MIA2: variants seen among roughly 807,000 people sequenced by gnomAD.
MIA2 encodes the protein MIA SH3 domain ER export factor 2.
In MIA2, 127 loss-of-function variants were observed where a neutral mutation model predicts 167.8. The ratio of observed to expected loss-of-function variants is 0.76; its 90% CI spans 0.66 to 0.88. The LOEUF (loss-of-function observed/expected upper bound fraction) is 0.88. Ranked by LOEUF, MIA2 falls within the 40% of genes least tolerant of loss-of-function variation. The probability of loss-of-function intolerance (pLI) is 0.00; values close to 1 mark genes in which losing one functional copy is unlikely to be tolerated. For synonymous variants in MIA2, 552 were observed against 541.9 expected, an observed-to-expected ratio of 1.02 and a Z score of -0.26; for missense variants, 1,690 against 1,624.7, an observed-to-expected ratio of 1.04 and a Z score of -0.69.
intron 24 of MIA2, among the ~76,000 whole-genome samples, chr14:39,322,473 G>A (rs866714764): frequency 7.3e-5 from 11 of 151,240 alleles, no homozygotes; most frequent in Non-Finnish European, 1.3e-4. Context: ...CCCGGGGGAC[G>A]GAGATTGCAG....
At chr14:39,259,026 G>A (rs554470533) in intron 6 of MIA2, among the ~76,000 whole-genome samples, 63 of 152,350 alleles carry the variant, frequency 4.1e-4, no homozygotes, top group African/African-American at 1.4e-3. Context: ...ACCCCTGTTG[G>A]GAGGTCTCTC....
chr14:39,285,552 C>T (rs1333503561), intron 9 of MIA2, among the ~76,000 whole-genome samples: 1 of 141,760 alleles, frequency 7.1e-6, no homozygotes, highest in East Asian at 2.2e-4. Flanking sequence ...GACGGGATGG[C>T]TGGCCGGGCG....
At chr14:39,304,264 C>CT (rs1275024081) in intron 16 of MIA2, 27 bp from the exon 17 acceptor site, 3 of 1,138,676 alleles carry the variant, frequency 2.6e-6, no homozygotes, top group Non-Finnish European at 3.8e-6. Context: ...ATTAATGTTA[C>CT]TTTTTTCCTT....
intron 2 of MIA2, 97 bp downstream of exon 2, chr14:39,237,152 G>GGCGACAGAGCCAGGCC: frequency 7.4e-7 from 1 of 1,358,470 alleles, no homozygotes. Context: ...ACAGGGCCTG[G>GGCGACAGAGCCAGGCC]CTCTGTCGCC....
At chr14:39,240,178 A>T (rs1017995185) in intron 2 of MIA2, among the ~76,000 whole-genome samples, 16 of 152,320 alleles carry the variant, frequency 1.1e-4, no homozygotes, top group Non-Finnish European at 5.9e-5. Flanking sequence ...TGAATATGTC[A>T]CTACTCCATC....
chr14:39,351,304 C>T (rs2074363179), downstream of MIA2: 1 of 150,814 alleles, frequency 6.6e-6, no homozygotes, highest in African/African-American at 2.4e-5. Context: ...TTCACCCCAG[C>T]ATTTCCCCAG....
At chr14:39,274,381 A>G (rs200424058) in intron 6 of MIA2, among the ~76,000 whole-genome samples, 1 of 151,964 alleles carries the variant, frequency 6.6e-6, no homozygotes, top group Non-Finnish European at 1.5e-5. Context: ...GACCAGAGCA[A>G]TGAATTTGAG....
chr14:39,299,775 C>A, intron 13 of MIA2, 89 bp from the exon 14 acceptor site: 2 of 1,396,044 alleles, frequency 1.4e-6, no homozygotes, highest in South Asian at 1.5e-5. Flanking sequence ...CCATGTTTTT[C>A]TTTTTTAAGT....
At position 39,299,305 on chromosome 14, in the gene MIA2, C is replaced by CTTTTTTTTT. The variant is rs34424266; in HGVS notation, c.2497-546_2497-538dup. On this transcript the variant is annotated intron_variant, in intron 13 of 28. Coordinates refer to ENST00000640607, the MANE Select transcript of MIA2 (RefSeq NM_001329214.4). ...GATCTGTTCTAGATTAATGGTATTT[C>CTTTTTTTTT]TTTTTTTTTTTTTTTTTTTTTGAGA... is the stretch of plus-strand genomic sequence containing the variant. Among the ~76,000 whole-genome samples the CTTTTTTTTT allele has an allele frequency of 2.8e-3, 268 of 95,100 alleles. 18 individuals are homozygous for CTTTTTTTTT. Among genetic ancestry groups the CTTTTTTTTT allele is most frequent in the South Asian group, 3.2e-3 (8 of 2,492 alleles). 62.4% of individuals were successfully genotyped at this position (95,100 alleles called of 152,430 possible). A position where few individuals can be genotyped will look rare whatever the true frequency, so the allele number is the denominator to read the frequency against.
intron 6 of MIA2, chr14:39,267,299 C>A (rs936638427): frequency 1.4e-6 from 2 of 1,471,124 alleles, no homozygotes; most frequent in East Asian, 5.0e-5. Context: ...CTGCGGGTGC[C>A]CCTGTCCCCC....
intron 4 of MIA2, 76 bp from the exon 5 acceptor site, chr14:39,252,672 T>A (rs112750104): frequency 5.5e-6 from 6 of 1,085,146 alleles, no homozygotes; most frequent in African/African-American, 4.8e-5. Context: ...AAAAATGACC[T>A]GCCTAGAAAA....
chr14:39,261,078 G>T (rs2055082238), intron 6 of MIA2, among the ~76,000 whole-genome samples: 1 of 151,816 alleles, frequency 6.6e-6, no homozygotes, highest in Non-Finnish European at 1.5e-5. Flanking sequence ...CCATGTTGGT[G>T]TGCTGCACCC....
rs1357245423 is a variant in MIA2, at chr14:39,277,670, TTTTATATATATATATATGTGTG to T, written c.2019+607_2019+628del. ...AACTGGAATCTTTTAATGTAAGATC[TTTTATATATATATATATGTGTG>T]TATATATATATATATATATATATGT... On this transcript the variant is annotated intron_variant, in intron 7 of 28. Transcript: ENST00000640607. 4.2e-4 allele frequency among the ~76,000 whole-genome samples: 22 copies of T among 52,970 alleles called. 1 individual carries two copies. Among genetic ancestry groups the T allele is most frequent in the African/African-American group, 1.2e-3 (20 of 16,498 alleles). The allele number at this position is 52,970 out of a possible 152,430, so 34.8% of individuals were successfully genotyped here.
In MIA2 at chr14:39,247,897, G is replaced by C; in HGVS notation, c.1323G>C (p.Lys441Asn). Residue 441 changes from lysine to asparagine, a missense_variant, in exon 4 of 29, where the codon AAG (lysine) becomes AAC (asparagine). Lys to Asn is a moderately conservative substitution (Grantham distance 94, BLOSUM62 0). Transcript: ENST00000640607. ...KIIETEDQID[K>N]KPVSEKTDES... is the part of the protein sequence containing the mutation. ...TAGAAACAGAAGATCAAATAGACAA[G>C]AAACCAGTCTCAGAAAAAACAGACG... 1 of 1,588,976 alleles carries C rather than the reference G, an allele frequency of 6.3e-7. No homozygotes were observed. Among genetic ancestry groups the C allele is most frequent in the South Asian group, 1.2e-5 (1 of 85,236 alleles).
chr14:39,348,969 C>T lies in MIA2; in HGVS notation c.4064C>T (p.Pro1355Leu), dbSNP rs767872024. The change falls in exon 28 of 29, where the codon CCA becomes CTA. Residue 1355 changes from proline (P) to leucine (L), a missense_variant. Coordinates refer to ENST00000640607, the MANE Select transcript of MIA2 (RefSeq NM_001329214.4). The stretch of plus-strand genomic sequence containing the variant: ...GATTTCCCAGGTCCACCACCTGCTC[C>T]ATTTGCAAGTATGCTTTTTTAAACT... ...PGDFPGPPPA[P>L]FAMRNVYPPR... 6.2e-7 allele frequency: 1 copy of T among 1,612,920 alleles called. No homozygotes were observed. The highest frequency in any genetic ancestry group is 8.5e-7 in the Non-Finnish European group (1 of 1,178,940).
At chr14:39,352,991 G>A (rs190322148), downstream of MIA2, among the ~76,000 whole-genome samples, 1 of 152,108 alleles carries the variant, frequency 6.6e-6, no homozygotes, top group African/African-American at 2.4e-5. Context: ...CTGAAATTTT[G>A]TATCCTTTGA....
chr14:39,376,649 A>G (rs1288320756), intron 23 of MIA2, among the ~76,000 whole-genome samples: 2 of 152,236 alleles, frequency 1.3e-5, no homozygotes, highest in African/African-American at 2.4e-5. Context: ...ACAAATCTCA[A>G]TCAGTTTAGA....
intron 25 of MIA2, among the ~76,000 whole-genome samples, chr14:39,344,628 G>A (rs952159329): frequency 1.3e-5 from 2 of 152,204 alleles, no homozygotes; most frequent in African/African-American, 2.4e-5. Flanking sequence ...CCCTGTGGCA[G>A]AGTCAGATGA....
At chr14:39,305,851 G>A (rs1380621149) in intron 17 of MIA2, among the ~76,000 whole-genome samples, 1 of 151,344 alleles carries the variant, frequency 6.6e-6, no homozygotes, top group Non-Finnish European at 1.5e-5. Context: ...CACGAGAATC[G>A]CTTGAACATG....
Sources: gnomAD v4.1 joint callset for allele counts (sites outside exome capture counted in the v4.1 genomes callset) on GRCh38, gnomAD v4.1.1 for gene constraint, MANE v1.5 for transcripts, NCBI Gene and HGNC (gene_info 2026-07-23, HGNC 2026-07-21) for gene names.